Variants in EPB41L4A observed in about 807,000 individuals in gnomAD.
EPB41L4A encodes the protein band 4.1-like protein 4A.
In EPB41L4A, 100 loss-of-function variants were observed where a neutral mutation model predicts 108.6. The ratio of observed to expected loss-of-function variants is 0.92; its 90% CI spans 0.78 to 1.09. The LOEUF (loss-of-function observed/expected upper bound fraction) is 1.09, where lower values mean the gene tolerates loss of function less well. EPB41L4A is among the 50% of genes least tolerant of loss of function. EPB41L4A has a pLI of 0.00. For missense variants in EPB41L4A, 1,030 were observed against 842.7 expected, an observed-to-expected ratio of 1.22 and a Z score of -2.75; for synonymous variants, 319 against 289.0, an observed-to-expected ratio of 1.10 and a Z score of -1.05.
chr5:112,143,788 T>C, exon 14 of EPB41L4A: 1 of 445,094 alleles, frequency 2.2e-6, no homozygotes, highest in South Asian at 1.6e-5. Context: ...TGTTAATACC[T>C]GAACCAACCA....
chr5:112,411,585 A>T (rs1384493679), intron 1 of EPB41L4A, among the ~76,000 whole-genome samples: 1 of 152,004 alleles, frequency 6.6e-6, no homozygotes, highest in East Asian at 1.9e-4. Context: ...TGAGGCAGAT[A>T]TCATGCCCCT....
At chr5:112,243,458 T>C (rs1290539664) in intron 9 of EPB41L4A, among the ~76,000 whole-genome samples, 1 of 152,122 alleles carries the variant, frequency 6.6e-6, no homozygotes, top group Non-Finnish European at 1.5e-5. Context: ...AGTCACCAGC[T>C]GCAGTAGCAC....
At chr5:112,320,471 A>G (rs148059392) in intron 1 of EPB41L4A, among the ~76,000 whole-genome samples, 11 of 152,308 alleles carry the variant, frequency 7.2e-5, no homozygotes, top group Admixed American at 2.0e-4. Flanking sequence ...TGTTATCACT[A>G]AAGTGTTCTA....
At chr5:112,414,775 G>GA (rs1762609769) in intron 1 of EPB41L4A, among the ~76,000 whole-genome samples, 2 of 152,094 alleles carry the variant, frequency 1.3e-5, no homozygotes, top group African/African-American at 4.8e-5. Context: ...AAGACTTCTT[G>GA]TAAAATTGAG....
At chr5:112,303,694 T>C (rs887526074) in intron 2 of EPB41L4A, among the ~76,000 whole-genome samples, 2 of 152,150 alleles carry the variant, frequency 1.3e-5, no homozygotes, top group African/African-American at 2.4e-5. Flanking sequence ...ACAGAGTCTC[T>C]TGGATTTAGC....
chr5:112,368,325 C>A (rs183502260), intron 1 of EPB41L4A, among the ~76,000 whole-genome samples: 1 of 152,050 alleles, frequency 6.6e-6, no homozygotes, highest in African/African-American at 2.4e-5. Context: ...TTCTTTCCAC[C>A]GTATGTGTGA....
At chr5:112,318,324 A>C (rs1374140672) in intron 1 of EPB41L4A, among the ~76,000 whole-genome samples, 1 of 152,234 alleles carries the variant, frequency 6.6e-6, no homozygotes, top group Non-Finnish European at 1.5e-5. Flanking sequence ...TTGGCAACAG[A>C]AATCAGAATT....
intron 9 of EPB41L4A, 38 bp downstream of exon 9, chr5:112,259,191 C>A (rs781182047): frequency 6.9e-7 from 1 of 1,458,038 alleles, no homozygotes; most frequent in African/African-American, 1.4e-5. Context: ...ACACAAGACA[C>A]CCCTCTTCTA....
At chr5:112,321,772 A>T (rs1755798353) in intron 1 of EPB41L4A, among the ~76,000 whole-genome samples, 1 of 152,206 alleles carries the variant, frequency 6.6e-6, no homozygotes, top group African/African-American at 2.4e-5. Context: ...TTGCTGCAAA[A>T]GTTCCAATGC....
At chr5:112,175,118 A>G (rs1029115165) in intron 18 of EPB41L4A, 8 of 152,264 alleles carry the variant, frequency 5.3e-5, no homozygotes, top group African/African-American at 1.9e-4. Flanking sequence ...CATCGCCCTG[A>G]CGGCCTCATC....
At chr5:112,364,246 G>A (rs1276591082) in intron 1 of EPB41L4A, among the ~76,000 whole-genome samples, 3 of 152,120 alleles carry the variant, frequency 2.0e-5, no homozygotes, top group Non-Finnish European at 4.4e-5. Flanking sequence ...GGCTGGTCTC[G>A]AACTCCTGAC....
intron 1 of EPB41L4A, among the ~76,000 whole-genome samples, chr5:112,375,039 A>C (rs947599674): frequency 1.4e-4 from 21 of 152,168 alleles, no homozygotes; most frequent in African/African-American, 5.1e-4. Flanking sequence ...ACCAGTGCCT[A>C]ATCTCCACCC....
intron 18 of EPB41L4A, among the ~76,000 whole-genome samples, chr5:112,176,898 G>A (rs1760896722): frequency 6.6e-6 from 1 of 151,560 alleles, no homozygotes; most frequent in South Asian, 2.1e-4. Context: ...GGGATTACAG[G>A]CACCCACCAC....
chr5:112,258,131 C>T (rs1430304048), intron 9 of EPB41L4A, among the ~76,000 whole-genome samples: 1 of 152,204 alleles, frequency 6.6e-6, no homozygotes, highest in African/African-American at 2.4e-5. Context: ...CAGTAAATGG[C>T]AGCATGCCAT....
intron 2 of EPB41L4A, among the ~76,000 whole-genome samples, chr5:112,297,431 A>G (rs971232551): frequency 6.6e-6 from 1 of 152,058 alleles, no homozygotes; most frequent in African/African-American, 2.4e-5. Flanking sequence ...TACCATTTGT[A>G]TATCTTCTTT....
intron 1 of EPB41L4A, among the ~76,000 whole-genome samples, chr5:112,372,640 G>C (rs1457937711): frequency 6.6e-6 from 1 of 152,196 alleles, no homozygotes; most frequent in Admixed American, 6.5e-5. Context: ...GTGGTCCAAA[G>C]TAACAGTGGA....
chr5:112,339,511 GAT>G (rs1561585385), intron 1 of EPB41L4A, among the ~76,000 whole-genome samples: 5 of 55,194 alleles, frequency 9.1e-5, no homozygotes, highest in African/African-American at 2.7e-4. Context: ...TATATATATA[GAT>G]ATATAGATAT....
At chr5:112,345,517 C>T (rs1757581757) in intron 1 of EPB41L4A, among the ~76,000 whole-genome samples, 1 of 151,610 alleles carries the variant, frequency 6.6e-6, no homozygotes, top group Non-Finnish European at 1.5e-5. Context: ...AAATGTTAAC[C>T]ATGGTTGTCC....
intron 9 of EPB41L4A, among the ~76,000 whole-genome samples, chr5:112,253,426 A>G (rs1401377193): frequency 6.6e-6 from 1 of 152,230 alleles, no homozygotes; most frequent in East Asian, 1.9e-4. Flanking sequence ...TAAAAGATAA[A>G]AAAATGCTAT....
Sources: allele counts gnomAD v4.1 joint callset (sites outside exome capture counted in the v4.1 genomes callset), GRCh38; gene constraint gnomAD v4.1.1; transcripts MANE v1.5; gene names NCBI Gene and HGNC (gene_info 2026-07-23, HGNC 2026-07-21).